Variants in ATP13A4 observed in about 807,000 individuals in gnomAD.
The protein encoded by ATP13A4 is probable cation-transporting ATPase 13A4.
ATP13A4 carries 114 observed loss-of-function variants against 142.5 expected under a neutral mutation model. The ratio of observed to expected loss-of-function variants is 0.80; its 90% CI spans 0.69 to 0.93. ATP13A4 has a LOEUF of 0.93. Among genes scored for constraint, ATP13A4 ranks in the 40% least tolerant of loss-of-function variants. The pLI, the probability that ATP13A4 is intolerant of heterozygous loss-of-function variation, is 0.00. For synonymous variants in ATP13A4, 488 were observed against 514.8 expected, an observed-to-expected ratio of 0.95 and a Z score of 0.70; for missense variants, 1,392 against 1,454.0, an observed-to-expected ratio of 0.96 and a Z score of 0.69.
At chr3:193,471,360 T>G (rs1438275687) in intron 8 of ATP13A4, among the ~76,000 whole-genome samples, 5 of 152,078 alleles carry the variant, frequency 3.3e-5, no homozygotes, top group Non-Finnish European at 2.9e-5. Flanking sequence ...CCTAGCTGTT[T>G]GAGACCAACC....
At chr3:193,470,737 T>C (rs1266748006) in intron 9 of ATP13A4, 122 bp downstream of exon 9, 8 of 1,421,898 alleles carry the variant, frequency 5.6e-6, no homozygotes, top group Admixed American at 5.2e-5. Flanking sequence ...GAAGGTCCCA[T>C]AGCAGCCAGT....
At chr3:193,529,950 G>A (rs1009234263) in intron 1 of ATP13A4, among the ~76,000 whole-genome samples, 16 of 152,196 alleles carry the variant, frequency 1.1e-4, no homozygotes, top group Admixed American at 2.6e-4. Flanking sequence ...TCTGTTTGAA[G>A]TGGGAAGGGA....
intron 28 of ATP13A4, among the ~76,000 whole-genome samples, chr3:193,408,357 T>C (rs1014483861): frequency 6.6e-6 from 1 of 152,250 alleles, no homozygotes; most frequent in African/African-American, 2.4e-5. Flanking sequence ...TCTATCAATA[T>C]GGGACTACAT....
At chr3:193,549,104 A>G (rs746830319) in intron 1 of ATP13A4, among the ~76,000 whole-genome samples, 23 of 152,324 alleles carry the variant, frequency 1.5e-4, no homozygotes, top group Middle Eastern at 3.4e-3. Flanking sequence ...GGAGAAAGCA[A>G]GTATTCTCAA....
In ATP13A4 at chr3:193,401,393, T is replaced by A. The variant is rs66487431; in HGVS notation, c.*1259A>T. Among the ~76,000 whole-genome samples, 9,065 of 149,954 alleles carry A rather than the reference T, an allele frequency of 0.06. 379 individuals carry two copies. Among genetic ancestry groups the A allele is most frequent in the Middle Eastern group, 0.1 (30 of 292 alleles). ...TTCTGGAAACTCAAGCCACAAACTT[T>A]AAAAAAAAAATGTACTAGTTGTGTA... is the stretch of plus-strand genomic sequence containing the variant. On this transcript the variant is annotated 3_prime_UTR_variant, in exon 30 of 30. Coordinates refer to ENST00000342695, the MANE Select transcript of ATP13A4 (RefSeq NM_032279.4).
At chr3:193,572,277 G>A (rs936164271) in intron 2 of ATP13A4, among the ~76,000 whole-genome samples, 4 of 151,906 alleles carry the variant, frequency 2.6e-5, no homozygotes, top group African/African-American at 9.7e-5. Context: ...CTTTGTTTGG[G>A]GTATATGGGA....
intron 1 of ATP13A4, among the ~76,000 whole-genome samples, chr3:193,536,716 T>C (rs1320816775): frequency 2.6e-5 from 4 of 151,962 alleles, no homozygotes; most frequent in African/African-American, 9.7e-5. Context: ...CTGTAGAAAA[T>C]ACCCAAAAAT....
At chr3:193,450,285 A>C (rs1220381905) in intron 17 of ATP13A4, among the ~76,000 whole-genome samples, 1 of 152,150 alleles carries the variant, frequency 6.6e-6, no homozygotes, top group African/African-American at 2.4e-5. Flanking sequence ...TGCTGTGCTC[A>C]ACACCACTCA....
At chr3:193,530,773 T>C (rs1251791472) in intron 1 of ATP13A4, among the ~76,000 whole-genome samples, 2 of 152,158 alleles carry the variant, frequency 1.3e-5, no homozygotes, top group African/African-American at 4.8e-5. Flanking sequence ...ATTGCTAATG[T>C]CCAGGAACTT....
intron 1 of ATP13A4, among the ~76,000 whole-genome samples, chr3:193,541,482 A>T (rs1722925831): frequency 6.6e-6 from 1 of 152,028 alleles, no homozygotes; most frequent in African/African-American, 2.4e-5. Flanking sequence ...ATTATCTCTG[A>T]CAAAAGAGAA....
At chr3:193,541,587 T>C (rs1722933689) in intron 1 of ATP13A4, among the ~76,000 whole-genome samples, 1 of 151,922 alleles carries the variant, frequency 6.6e-6, no homozygotes. Context: ...ATTCTGTTTC[T>C]TTCTTTGTTT....
At chr3:193,557,933 GC>G (rs1723937478), upstream of ATP13A4, among the ~76,000 whole-genome samples, 1 of 152,230 alleles carries the variant, frequency 6.6e-6, no homozygotes, top group African/African-American at 2.4e-5. Flanking sequence ...TTCAGAGCAA[GC>G]CCATCAGCCT....
intron 1 of ATP13A4, among the ~76,000 whole-genome samples, chr3:193,592,140 G>GT (rs1445122529): frequency 8.3e-6 from 1 of 120,236 alleles, no homozygotes; most frequent in Non-Finnish European, 1.7e-5. Context: ...TGTGGCATGG[G>GT]TGGGGGGCGG....
intron 25 of ATP13A4, among the ~76,000 whole-genome samples, chr3:193,426,655 A>G (rs1478495838): frequency 1.3e-5 from 2 of 151,958 alleles, no homozygotes; most frequent in Non-Finnish European, 2.9e-5. Flanking sequence ...ATACATGTAG[A>G]CCAATGGAAT....
chr3:193,555,300 T>A (rs1383692812), upstream of ATP13A4, among the ~76,000 whole-genome samples: 2 of 152,234 alleles, frequency 1.3e-5, no homozygotes, highest in Non-Finnish European at 1.5e-5. Flanking sequence ...TTTTCTTTGA[T>A]GAATGAAAGC....
Position 193,399,852 on chromosome 3 carries a change from A to AAAG in ATP13A4, c.*2799_*2800insCTT, listed in dbSNP as rs1436598178. Among the ~76,000 whole-genome samples the AAAG allele has an allele frequency of 6.6e-6, 1 of 151,324 alleles. No individual in the cohort carries two copies. Among genetic ancestry groups the AAAG allele is most frequent in the Non-Finnish European group, 1.5e-5 (1 of 67,774 alleles). ...CAGAGTGAGACTCCATCTCAAAAAAAAAAAAAAAAAAAAAAGGTTCACATC... is the reference window on the plus strand; with the variant it reads ...CAGAGTGAGACTCCATCTCAAAAAAAAAGAAAAAAAAAAAAAAAGGTTCACATC... On this transcript the variant is annotated 3_prime_UTR_variant, in exon 30 of 30. Transcript: ENST00000342695.
intron 1 of ATP13A4, among the ~76,000 whole-genome samples, chr3:193,583,302 G>A (rs899768549): frequency 4.6e-5 from 7 of 151,830 alleles, no homozygotes; most frequent in East Asian, 1.9e-4. Context: ...GATTGGTGGC[G>A]GGCGCCTGTA....
chr3:193,502,493 C>G lies in ATP13A4; in HGVS notation c.381G>C (p.Lys127Asn), dbSNP rs764311001. Residue 127 changes from lysine (K) to asparagine (N), a missense_variant and splice_region_variant, in exon 3 of 30, where the codon AAG (lysine) becomes AAC (asparagine). Lys to Asn is a moderately conservative substitution (Grantham distance 94). Transcript: ENST00000342695. ...INRAIRKPDLKVRCIKVQKIR... is the reference protein window; with the variant it reads ...INRAIRKPDLNVRCIKVQKIR... The stretch of plus-strand genomic sequence containing the variant: ...CAGCAGTAGCCATAAGTTTACTTAC[C>G]TTTAGGTCTGGCTTTCTTATGGCTC... 18 of 1,613,794 alleles carry G rather than the reference C, an allele frequency of 1.1e-5. No individual in the cohort carries two copies. In the African/African-American group the frequency reaches 2.4e-4, roughly 22 times the overall value.
chr3:193,469,823 G>A (rs1417625465), intron 9 of ATP13A4, among the ~76,000 whole-genome samples: 1 of 152,164 alleles, frequency 6.6e-6, no homozygotes, highest in Admixed American at 6.5e-5. Context: ...CTGCAGAGTG[G>A]TCAATAGAAA....
Sources: allele counts gnomAD v4.1 joint callset (sites outside exome capture counted in the v4.1 genomes callset), GRCh38; gene constraint gnomAD v4.1.1; transcripts MANE v1.5; gene names NCBI Gene and HGNC (gene_info 2026-07-23, HGNC 2026-07-21).